The following GPC5 variants were observed in gnomAD, a reference collection of about 807,000 sequenced individuals.
GPC5 encodes the protein glypican 5.
In GPC5, 47 loss-of-function variants were observed where a neutral mutation model predicts 53.9. The observed-to-expected ratio is 0.87, with a 90% CI of 0.69 to 1.11. GPC5 has a LOEUF of 1.11. GPC5 is among the 50% of genes most tolerant of loss of function. The pLI, the probability that GPC5 is intolerant of heterozygous loss-of-function variation, is 0.00. For synonymous variants in GPC5, 286 were observed against 263.3 expected (o/e 1.09, Z -0.84); for missense variants, 748 against 713.1 (o/e 1.05, Z -0.56).
At chr13:91,852,871 G>A (rs1294375625) in intron 5 of GPC5, among the ~76,000 whole-genome samples, 1 of 152,056 alleles carries the variant, frequency 6.6e-6, no homozygotes, top group African/African-American at 2.4e-5. Context: ...TGCAGAACTG[G>A]GAGAGCTTCA....
chr13:92,095,280 G>A (rs189194709), intron 6 of GPC5, among the ~76,000 whole-genome samples: 8 of 151,820 alleles, frequency 5.3e-5, no homozygotes, highest in African/African-American at 1.9e-4. Flanking sequence ...TCCTTTTTTC[G>A]TTCAGTCCAT....
In GPC5 at chr13:91,877,346, AAGC is replaced by A. The variant is rs74618472; in HGVS notation, c.1281-30587_1281-30585del. Among the ~76,000 whole-genome samples, 1,044 of 152,252 alleles carry A rather than the reference AAGC, an allele frequency of 6.9e-3. 60 individuals are homozygous for A. Among genetic ancestry groups the A allele is most frequent in the Admixed American group, 0.061 (931 of 15,278 alleles). ...GCAGATATTCAATGCCAGTCTGTGAAAGCAGCCGGGAGGGAGGCTGTACCCTGT... is the reference window on the plus strand; with the variant it reads ...GCAGATATTCAATGCCAGTCTGTGAAAGCCGGGAGGGAGGCTGTACCCTGT... On this transcript the variant is annotated intron_variant, in intron 5 of 7. Transcript: ENST00000377067.
At chr13:91,579,655 G>A (rs1456076031) in intron 2 of GPC5, among the ~76,000 whole-genome samples, 5 of 93,324 alleles carry the variant, frequency 5.4e-5, no homozygotes, top group Non-Finnish European at 1.1e-4. Flanking sequence ...TTGTGATGGA[G>A]TTTCGCTCTG....
In GPC5 at chr13:92,258,471, A is replaced by G. The variant is rs114921753; in HGVS notation, c.1561+113482A>G. On this transcript the variant is annotated intron_variant, in intron 7 of 7. Coordinates refer to ENST00000377067, the MANE Select transcript of GPC5 (RefSeq NM_004466.6). ...AATGGTTAGTTTCATTGAAATGTGT[A>G]TATAAATATGTATTCTAGTCAGTGT... 5.3e-3 allele frequency among the ~76,000 whole-genome samples: 810 copies of G among 152,326 alleles called. 7 individuals are homozygous for G. The highest frequency in any genetic ancestry group is 0.019 in the African/African-American group (776 of 41,574).
intron 2 of GPC5, among the ~76,000 whole-genome samples, chr13:91,472,588 C>A (rs1352769445): frequency 6.6e-6 from 1 of 152,130 alleles, no homozygotes; most frequent in Non-Finnish European, 1.5e-5. Flanking sequence ...TATTTGGGAA[C>A]CCAATTTTTT....
At chr13:91,796,595 G>A (rs1049840299) in intron 5 of GPC5, among the ~76,000 whole-genome samples, 3 of 152,136 alleles carry the variant, frequency 2.0e-5, no homozygotes, top group African/African-American at 7.2e-5. Flanking sequence ...TGGTATTTTA[G>A]TGAGCCCTCT....
At chr13:91,764,740 C>G (rs1378002852) in intron 5 of GPC5, among the ~76,000 whole-genome samples, 1 of 152,146 alleles carries the variant, frequency 6.6e-6, no homozygotes, top group Non-Finnish European at 1.5e-5. Context: ...CTCTCCTCGT[C>G]CTTCAAACAA....
intron 2 of GPC5, among the ~76,000 whole-genome samples, chr13:91,477,508 G>A (rs953914555): frequency 6.6e-6 from 1 of 152,176 alleles, no homozygotes; most frequent in East Asian, 1.9e-4. Context: ...TTGCATTGAG[G>A]AAGCAGCCAA....
At chr13:92,603,027 C>T (rs532259090) in intron 7 of GPC5, among the ~76,000 whole-genome samples, 47 of 152,242 alleles carry the variant, frequency 3.1e-4, no homozygotes, top group African/African-American at 9.1e-4. Flanking sequence ...CTAGGAAGCC[C>T]ATCTGAGCCT....
chr13:92,354,510 C>T (rs1266031068), intron 7 of GPC5, among the ~76,000 whole-genome samples: 1 of 152,190 alleles, frequency 6.6e-6, no homozygotes, highest in Non-Finnish European at 1.5e-5. Context: ...TTCCTTAATT[C>T]ATCAAGTATT....
chr13:91,520,616 C>T (rs955723702), intron 2 of GPC5, among the ~76,000 whole-genome samples: 23 of 152,018 alleles, frequency 1.5e-4, no homozygotes, highest in African/African-American at 5.1e-4. Context: ...TTACTAGAAT[C>T]CCATAAGATA....
chr13:91,674,869 A>G (rs2035345429), intron 2 of GPC5, among the ~76,000 whole-genome samples: 1 of 151,798 alleles, frequency 6.6e-6, no homozygotes, highest in Non-Finnish European at 1.5e-5. Flanking sequence ...TGTCAGAGTC[A>G]TTTTCTCTCT....
rs537180767 is a variant in GPC5 at position 92,760,557 on chromosome 13, G to T, written c.1562-105725G>T. 2.0e-5 allele frequency among the ~76,000 whole-genome samples: 3 copies of T among 149,528 alleles called. No individual in the cohort carries two copies. In the East Asian group the frequency reaches 6.0e-4, roughly 30 times the overall value. On this transcript the variant is annotated intron_variant, in intron 7 of 7. Coordinates refer to ENST00000377067, the MANE Select transcript of GPC5 (RefSeq NM_004466.6). ...TTCTGATTTTACATATTTAAGACTT[G>T]TTTTTTTTATTCTGGCTAAGAGTTT... is the stretch of plus-strand genomic sequence containing the variant.
At chr13:91,695,646 A>G (rs2035864830) in intron 3 of GPC5, among the ~76,000 whole-genome samples, 1 of 152,092 alleles carries the variant, frequency 6.6e-6, no homozygotes. Context: ...AAGTGCTGGG[A>G]TTATAGGCAT....
At chr13:91,587,252 C>T (rs577517572) in intron 2 of GPC5, among the ~76,000 whole-genome samples, 10 of 152,126 alleles carry the variant, frequency 6.6e-5, no homozygotes, top group Admixed American at 6.5e-4. Flanking sequence ...ATAGAACTTG[C>T]TTTAAAGTCA....
intron 6 of GPC5, among the ~76,000 whole-genome samples, chr13:92,017,709 GTGCACAAGTACACACACACA>G (rs1352413232): frequency 2.0e-5 from 3 of 151,878 alleles, no homozygotes; most frequent in East Asian, 3.9e-4. Flanking sequence ...GTCTATACAT[GTGCACAAGTACACACACACA>G]TGCACAAGTA....
intron 7 of GPC5, among the ~76,000 whole-genome samples, chr13:92,824,944 A>G (rs973168782): frequency 6.6e-6 from 1 of 152,138 alleles, no homozygotes; most frequent in Admixed American, 6.6e-5. Context: ...CTGGTAAGAA[A>G]CTTTTGAATC....
At chr13:92,566,306 A>G (rs1882861458) in intron 7 of GPC5, among the ~76,000 whole-genome samples, 1 of 152,166 alleles carries the variant, frequency 6.6e-6, no homozygotes, top group African/African-American at 2.4e-5. Flanking sequence ...TCTCATGAGT[A>G]AAAATCAAAA....
At chr13:91,572,886 G>A (rs999859395) in intron 2 of GPC5, among the ~76,000 whole-genome samples, 1 of 152,072 alleles carries the variant, frequency 6.6e-6, no homozygotes, top group Non-Finnish European at 1.5e-5. Context: ...TGATCCTTTT[G>A]TCAATCTGGG....
Sources: gnomAD v4.1 joint callset for allele counts (sites outside exome capture counted in the v4.1 genomes callset) on GRCh38, gnomAD v4.1.1 for gene constraint, MANE v1.5 for transcripts, NCBI Gene and HGNC (gene_info 2026-07-23, HGNC 2026-07-21) for gene names.